PLAC1: variants seen among roughly 807,000 people sequenced by gnomAD.
PLAC1 encodes placenta associated 1, also known as placenta-specific protein 1.
For synonymous variants in PLAC1, 68 were observed against 62.1 expected (o/e 1.09, Z -0.44); for missense variants, 136 against 163.2 (o/e 0.83, Z 0.91).
At chrX:134,638,762 TAA>T (rs56714261) in intron 1 of PLAC1, among the ~76,000 whole-genome samples, 3 of 102,749 alleles carry the variant, frequency 2.9e-5, no homozygotes. Context: ...CTGGCTTTTT[TAA>T]AAAAAAAAAA....
intron 1 of PLAC1, among the ~76,000 whole-genome samples, chrX:134,762,899 C>G (rs1454685177): frequency 2.0e-5 from 2 of 97,897 alleles, no homozygotes; most frequent in African/African-American, 3.7e-5. Flanking sequence ...CAAACTATTA[C>G]ATTATAGATG....
At chrX:134,696,276 A>C (rs943391467) in intron 2 of PLAC1, among the ~76,000 whole-genome samples, 1 of 111,385 alleles carries the variant, frequency 9.0e-6, no homozygotes, top group African/African-American at 3.3e-5. Context: ...GAGAAATGCT[A>C]GCAGGAGACT....
chrX:134,607,645 TA>T (rs78775785), intron 1 of PLAC1: 1,108 of 93,038 alleles, frequency 0.012, 1 homozygote, highest in African/African-American at 0.016. Flanking sequence ...GGTATATATG[TA>T]AAAAAAAAAA....
At chrX:134,756,937 C>T (rs906717097) in intron 1 of PLAC1, among the ~76,000 whole-genome samples, 5 of 111,196 alleles carry the variant, frequency 4.5e-5, no homozygotes, top group Non-Finnish European at 9.4e-5. Flanking sequence ...TATTCAGGCA[C>T]GAGTCCAATA....
chrX:134,728,242 A>G (rs1013043474), intron 2 of PLAC1, among the ~76,000 whole-genome samples: 8 of 111,411 alleles, frequency 7.2e-5, no homozygotes, highest in African/African-American at 2.6e-4. Context: ...TAATAGGCAG[A>G]ATCTCCCCAA....
At chrX:134,583,520 C>T (rs1280724050) in intron 2 of PLAC1, among the ~76,000 whole-genome samples, 1 of 107,842 alleles carries the variant, frequency 9.3e-6, no homozygotes, top group Non-Finnish European at 1.9e-5. Context: ...AGCTGTGTGA[C>T]CTTGGGTAAG....
intron 2 of PLAC1, among the ~76,000 whole-genome samples, chrX:134,574,258 T>C (rs1228368465): frequency 8.9e-6 from 1 of 112,002 alleles, no homozygotes; most frequent in African/African-American, 3.3e-5. Context: ...GGGGTCTTGA[T>C]CTACTATAGT....
At chrX:134,627,797 C>T (rs1007145301) in intron 1 of PLAC1, among the ~76,000 whole-genome samples, 4 of 112,122 alleles carry the variant, frequency 3.6e-5, no homozygotes, top group Admixed American at 2.8e-4. Context: ...CCAGAATGAA[C>T]ATTCTAAAAT....
rs746869026 is a variant in PLAC1 at position 134,685,371 on chromosome X, TGGG to T, written n.174+48061_174+48063del. On this transcript the variant is annotated intron_variant and non_coding_transcript_variant, in intron 2 of 2. Transcript: ENST00000466797. ...TTAGCTCCAAAAATAGTGCCCACAC[TGGG>T]TCACAGTCTGTTGAATAAGGGGAGG... 6.7e-3 allele frequency among the ~76,000 whole-genome samples: 728 copies of T among 109,108 alleles called. 5 individuals carry two copies. Among genetic ancestry groups the T allele is most frequent in the Non-Finnish European group, 9.8e-3 (518 of 52,598 alleles). 94.7% of individuals were successfully genotyped at this position (109,108 alleles called of 115,157 possible).
At chrX:134,667,217 A>G (rs897549067) in intron 2 of PLAC1, among the ~76,000 whole-genome samples, 5 of 112,370 alleles carry the variant, frequency 4.4e-5, no homozygotes, top group Admixed American at 3.8e-4. Flanking sequence ...AAAGCACACA[A>G]CCAAAAAAGT....
At chrX:134,663,430 A>ATG (rs1491397698), upstream of PLAC1, among the ~76,000 whole-genome samples, 6 of 57,613 alleles carry the variant, frequency 1.0e-4, no homozygotes, top group South Asian at 1.5e-3. Flanking sequence ...TAAAATAAAG[A>ATG]TATGTGTGTG....
intron 2 of PLAC1, among the ~76,000 whole-genome samples, chrX:134,589,332 C>G (rs1232460737): frequency 9.0e-6 from 1 of 111,316 alleles, no homozygotes; most frequent in Non-Finnish European, 1.9e-5. Context: ...TGGATGATTT[C>G]AAGGGATATT....
chrX:134,682,453 G>C (rs943578591), intron 2 of PLAC1, among the ~76,000 whole-genome samples: 2 of 111,763 alleles, frequency 1.8e-5, no homozygotes, highest in Non-Finnish European at 3.8e-5. Flanking sequence ...GGGCTCAAGG[G>C]GAAAGGAAGG....
At chrX:134,635,106 T>A (rs1231404957) in intron 1 of PLAC1, among the ~76,000 whole-genome samples, 3 of 111,681 alleles carry the variant, frequency 2.7e-5, no homozygotes, top group Non-Finnish European at 3.8e-5. Context: ...GACCATGCAA[T>A]CTTAAGTTGT....
At chrX:134,704,827 C>T (rs777556010) in intron 2 of PLAC1, among the ~76,000 whole-genome samples, 2 of 101,244 alleles carry the variant, frequency 2.0e-5, no homozygotes, top group South Asian at 8.8e-4. Flanking sequence ...CCCATCTCTA[C>T]CAAAAAAATA....
intron 1 of PLAC1, among the ~76,000 whole-genome samples, chrX:134,613,548 C>T (rs1235595809): frequency 9.0e-6 from 1 of 111,183 alleles, no homozygotes; most frequent in Non-Finnish European, 1.9e-5. Flanking sequence ...AAAGTCATCT[C>T]CCAGGCTCTC....
chrX:134,638,029 A>G lies in PLAC1; in HGVS notation c.-131+20299T>C, dbSNP rs2078291228. Among the ~76,000 whole-genome samples the G allele has an allele frequency of 2.7e-5, 3 of 112,162 alleles. No homozygotes were observed. In the South Asian group the frequency reaches 1.1e-3, roughly 41 times the overall value. Reference sequence around the variant, plus strand: ...ATGTGGTCTGAAGCCCATAAACGAGAGTCTACTGGAGGGGAATCCTTTGTT... The same window carrying G: ...ATGTGGTCTGAAGCCCATAAACGAGGGTCTACTGGAGGGGAATCCTTTGTT... On this transcript the variant is annotated intron_variant, in intron 1 of 2. Transcript: ENST00000359237.
In PLAC1 at chrX:134,763,682, G is replaced by A. The variant is rs186907799; in HGVS notation, n.89+552C>T. ...CTAAAAATACAAAAATTAGTCGGGC[G>A]TGGTGGCGGGTGATTGTAATCCCAC... is the stretch of plus-strand genomic sequence containing the variant. On this transcript the variant is annotated intron_variant and non_coding_transcript_variant, in intron 1 of 2. Coordinates refer to the PLAC1 transcript ENST00000466797. 4.5e-5 allele frequency among the ~76,000 whole-genome samples: 5 copies of A among 110,326 alleles called. No homozygotes were observed. In the East Asian group the frequency reaches 1.4e-3, roughly 31 times the overall value.
intron 1 of PLAC1, among the ~76,000 whole-genome samples, chrX:134,621,066 C>T (rs1360419894): frequency 1.8e-5 from 2 of 111,423 alleles, no homozygotes; most frequent in Non-Finnish European, 3.8e-5. Flanking sequence ...CTCCTCTTGC[C>T]AGACCAGTTT....
Sources: allele counts gnomAD v4.1 joint callset (sites outside exome capture counted in the v4.1 genomes callset), GRCh38; gene constraint gnomAD v4.1.1; transcripts MANE v1.5; gene names NCBI Gene and HGNC (gene_info 2026-07-23, HGNC 2026-07-21).